Variants in PDE4D observed in about 807,000 individuals in gnomAD.
PDE4D encodes the protein 3',5'-cyclic-AMP phosphodiesterase 4D.
PDE4D carries 24 observed loss-of-function variants against 87.4 expected under a neutral mutation model. The observed-to-expected ratio is 0.27, with a 90% CI of 0.20 to 0.39. The LOEUF is 0.39. Ranked by LOEUF, PDE4D falls within the 10% of genes least tolerant of loss-of-function variation. The pLI is 1.00. For synonymous variants in PDE4D, 384 were observed against 383.2 expected, an observed-to-expected ratio of 1.00 and a Z score of -0.02; for missense variants, 714 against 1,041.0, an observed-to-expected ratio of 0.69 and a Z score of 4.32.
intron 1 of PDE4D, among the ~76,000 whole-genome samples, chr5:59,666,985 AG>A (rs1193273250): frequency 6.6e-6 from 1 of 152,212 alleles, no homozygotes; most frequent in Non-Finnish European, 1.5e-5. Flanking sequence ...TATAAGGCAG[AG>A]CCTAGGTGCA....
chr5:60,076,793 A>G (rs780410106), intron 2 of PDE4D, among the ~76,000 whole-genome samples: 8 of 152,176 alleles, frequency 5.3e-5, no homozygotes, highest in South Asian at 2.1e-4. Context: ...ATCTGTTCTC[A>G]TTTGCATGTG....
chr5:59,420,682 T>C (rs1794326760), intron 1 of PDE4D, among the ~76,000 whole-genome samples: 1 of 120,712 alleles, frequency 8.3e-6, no homozygotes, highest in East Asian at 2.3e-4. Flanking sequence ...ACTGGATTAC[T>C]GCACAAGAAA....
At chr5:59,484,176 T>C (rs1054031225) in intron 1 of PDE4D, among the ~76,000 whole-genome samples, 45 of 152,212 alleles carry the variant, frequency 3.0e-4, no homozygotes, top group African/African-American at 1.0e-3. Context: ...CACTAGGGTC[T>C]AGGCTTTTCC....
At chr5:60,131,525 T>C (rs1186655238) in intron 2 of PDE4D, among the ~76,000 whole-genome samples, 1 of 152,236 alleles carries the variant, frequency 6.6e-6, no homozygotes, top group Non-Finnish European at 1.5e-5. Flanking sequence ...CTTGCGTTTA[T>C]ATTATTTCTC....
At chr5:60,461,955 G>A (rs1005416972) in intron 1 of PDE4D, among the ~76,000 whole-genome samples, 1 of 152,180 alleles carries the variant, frequency 6.6e-6, no homozygotes, top group Non-Finnish European at 1.5e-5. Flanking sequence ...GGCATAGGAA[G>A]CTTGCTTTAC....
At chr5:59,009,747 C>A (rs1020279783) in intron 6 of PDE4D, among the ~76,000 whole-genome samples, 10 of 152,020 alleles carry the variant, frequency 6.6e-5, no homozygotes, top group Non-Finnish European at 1.5e-4. Context: ...TTCAACTATA[C>A]CTCTAGAAAG....
rs142251660 is a variant in PDE4D at position 60,065,485 on chromosome 5, G to A, written c.43-76768C>T. Among the ~76,000 whole-genome samples the A allele has an allele frequency of 6.9e-3, 1,043 of 151,976 alleles. 18 individuals carry two copies. Among genetic ancestry groups the A allele is most frequent in the East Asian group, 0.045 (233 of 5,156 alleles). ...AAGTTTTAGGGTACATGTGTACAAT[G>A]TGCAGGTTAGTTACATATGTATACA... On this transcript the variant is annotated intron_variant, in intron 2 of 16. Coordinates refer to the PDE4D transcript ENST00000502484.
chr5:59,197,003 T>A (rs1271364023), intron 2 of PDE4D, among the ~76,000 whole-genome samples: 1 of 152,144 alleles, frequency 6.6e-6, no homozygotes, highest in Non-Finnish European at 1.5e-5. Context: ...TATGACATCT[T>A]CTTATTGTCC....
intron 1 of PDE4D, among the ~76,000 whole-genome samples, chr5:60,306,311 T>A (rs1458006930): frequency 6.6e-6 from 1 of 151,994 alleles, no homozygotes; most frequent in Non-Finnish European, 1.5e-5. Context: ...AATCTAATGA[T>A]GTGTGGTAAA....
intron 6 of PDE4D, among the ~76,000 whole-genome samples, chr5:58,996,298 T>G (rs980812682): frequency 6.6e-6 from 1 of 152,254 alleles, no homozygotes; most frequent in East Asian, 1.9e-4. Flanking sequence ...AAAAAAAATT[T>G]GCTTTACAGA....
intron 1 of PDE4D, among the ~76,000 whole-genome samples, chr5:59,777,981 T>G (rs1764246764): frequency 6.6e-6 from 1 of 152,224 alleles, no homozygotes; most frequent in South Asian, 2.1e-4. Context: ...AATTATAAAT[T>G]AAAAGTAATA....
At chr5:59,411,954 C>A (rs1280837777) in intron 1 of PDE4D, among the ~76,000 whole-genome samples, 1 of 152,160 alleles carries the variant, frequency 6.6e-6, no homozygotes, top group Non-Finnish European at 1.5e-5. Context: ...GATTCGCTCA[C>A]TTATTAAATA....
intron 1 of PDE4D, among the ~76,000 whole-genome samples, chr5:59,452,517 G>A (rs1799318622): frequency 6.6e-6 from 1 of 152,110 alleles, no homozygotes; most frequent in Non-Finnish European, 1.5e-5. Flanking sequence ...CAAGGATTAG[G>A]GTCACCTAGC....
At chr5:60,092,005 C>A (rs989911477) in intron 2 of PDE4D, among the ~76,000 whole-genome samples, 1 of 136,730 alleles carries the variant, frequency 7.3e-6, no homozygotes, top group Non-Finnish European at 1.5e-5. Context: ...GAGTCGAGAT[C>A]GCGCCACTGC....
intron 2 of PDE4D, among the ~76,000 whole-genome samples, chr5:60,107,190 C>T (rs939942326): frequency 6.6e-6 from 1 of 152,076 alleles, no homozygotes; most frequent in African/African-American, 2.4e-5. Flanking sequence ...CCAATGATCC[C>T]ACAGAAATAC....
chr5:60,032,562 TTTGGAATAATACAAACCTGCA>T lies in PDE4D; in HGVS notation c.43-43866_43-43846del, dbSNP rs1351079215. On this transcript the variant is annotated intron_variant, in intron 2 of 16. Coordinates refer to the PDE4D transcript ENST00000502484. Reference sequence around the variant, plus strand: ...ATGTTGCGTAAAGCACATTGTGAGCTTTGGAATAATACAAACCTGCATTCAAATCCTACCTTTTCTAGGAAA... The same window carrying T: ...ATGTTGCGTAAAGCACATTGTGAGCTTTCAAATCCTACCTTTTCTAGGAAA... 3.9e-5 allele frequency among the ~76,000 whole-genome samples: 6 copies of T among 152,264 alleles called. No individual in the cohort carries two copies. The East Asian group carries it at 1.2e-3, about 29-fold the overall frequency.
At chr5:58,994,471 C>T (rs1386906475) in intron 6 of PDE4D, among the ~76,000 whole-genome samples, 1 of 148,418 alleles carries the variant, frequency 6.7e-6, no homozygotes, top group Non-Finnish European at 1.5e-5. Flanking sequence ...ATTTTTTCTA[C>T]ACATAGAGTA....
intron 2 of PDE4D, among the ~76,000 whole-genome samples, chr5:60,039,030 G>A (rs1359836534): frequency 2.6e-5 from 4 of 150,952 alleles, no homozygotes; most frequent in Non-Finnish European, 4.4e-5. Context: ...TCAGTGTGGC[G>A]ATTCCTCAGG....
At chr5:59,499,049 A>G (rs953850976) in intron 1 of PDE4D, among the ~76,000 whole-genome samples, 1 of 152,158 alleles carries the variant, frequency 6.6e-6, no homozygotes, top group Non-Finnish European at 1.5e-5. Flanking sequence ...ATTTCAAAAA[A>G]TCAGAATCAT....
Sources: gnomAD v4.1 joint callset for allele counts (sites outside exome capture counted in the v4.1 genomes callset) on GRCh38, gnomAD v4.1.1 for gene constraint, MANE v1.5 for transcripts, NCBI Gene and HGNC (gene_info 2026-07-23, HGNC 2026-07-21) for gene names.